Variants in ADCY9 observed in about 807,000 individuals in gnomAD.
ADCY9 encodes the protein adenylate cyclase type 9.
Under a neutral mutation model 101.5 loss-of-function variants are expected in ADCY9, and 50 were observed. That is an observed-to-expected ratio of 0.49 (90% CI 0.39 to 0.62). ADCY9 has a LOEUF of 0.62. Among genes scored for constraint, ADCY9 ranks in the 20% least tolerant of loss-of-function variants. The pLI, the probability that ADCY9 is intolerant of heterozygous loss-of-function variation, is 0.00. For synonymous variants in ADCY9, 905 were observed against 769.3 expected (o/e 1.18, Z -2.92); for missense variants, 1,662 against 1,800.4 (o/e 0.92, Z 1.39).
At chr16:4,006,820 C>A (rs2056370276) in intron 3 of ADCY9, among the ~76,000 whole-genome samples, 1 of 152,154 alleles carries the variant, frequency 6.6e-6, no homozygotes, top group African/African-American at 2.4e-5. Context: ...CAGAAACGGG[C>A]ACTTCTAGGC....
At chr16:4,059,438 G>T (rs1324422592) in intron 2 of ADCY9, among the ~76,000 whole-genome samples, 1 of 144,736 alleles carries the variant, frequency 6.9e-6, no homozygotes, top group African/African-American at 2.6e-5. Context: ...AAACCAAAAA[G>T]ATGACCTGGG....
intron 3 of ADCY9, among the ~76,000 whole-genome samples, chr16:3,998,542 C>T (rs2056305088): frequency 6.6e-6 from 1 of 151,562 alleles, no homozygotes; most frequent in Non-Finnish European, 1.5e-5. Flanking sequence ...AAGCCCGTCT[C>T]TACTAAAATA....
intron 2 of ADCY9, among the ~76,000 whole-genome samples, chr16:4,113,465 C>T (rs1307697428): frequency 2.0e-5 from 3 of 152,170 alleles, no homozygotes; most frequent in African/African-American, 4.8e-5. Context: ...ACCGGACGTG[C>T]CCCCACATTT....
chr16:4,013,982 C>T (rs965854410), intron 2 of ADCY9, among the ~76,000 whole-genome samples: 1 of 152,086 alleles, frequency 6.6e-6, no homozygotes, highest in Non-Finnish European at 1.5e-5. Flanking sequence ...TCTCAAGTTC[C>T]TACTACAAAT....
At chr16:4,025,162 A>C (rs2056505746) in intron 2 of ADCY9, among the ~76,000 whole-genome samples, 1 of 152,152 alleles carries the variant, frequency 6.6e-6, no homozygotes, top group South Asian at 2.1e-4. Flanking sequence ...CAGGAGTTTG[A>C]GACCAGCCTG....
Position 3,966,495 on chromosome 16 carries a change from G to A in ADCY9, c.3342C>T (p.Tyr1114=), listed in dbSNP as rs2055997375. Residue 1114 remains tyrosine (Y), a synonymous_variant, in exon 11 of 11, where the codon TAC becomes TAT. Transcript: ENST00000294016. ...IEKIKTIGAT[Y]MAASGLNTAQ... ...CGGTGTTCAGCCCTGACGCCGCCATGTACGTGGCTCCGATGGTCTTGATCT... is the reference window on the plus strand; with the variant it reads ...CGGTGTTCAGCCCTGACGCCGCCATATACGTGGCTCCGATGGTCTTGATCT... The A allele has an allele frequency of 6.2e-7, 1 of 1,614,174 alleles. No individual in the cohort carries two copies. Among genetic ancestry groups the A allele is most frequent in the African/African-American group, 1.3e-5 (1 of 75,062 alleles).
intron 3 of ADCY9, among the ~76,000 whole-genome samples, chr16:3,995,633 T>C (rs1413861979): frequency 6.6e-6 from 1 of 151,276 alleles, no homozygotes; most frequent in African/African-American, 2.4e-5. Flanking sequence ...TCAAAAGCAA[T>C]TTCCTTGCAG....
rs537295838 is a variant in ADCY9, at chr16:4,051,522, T to TA, written c.1694-43965dup. On this transcript the variant is annotated intron_variant, in intron 2 of 10. Transcript: ENST00000294016. The stretch of plus-strand genomic sequence containing the variant: ...CTGGGCAACAGAGCAAGACTCCATC[T>TA]AAAAAAAAAAAAAAAAGAAGAAGAA... 2.5e-3 allele frequency among the ~76,000 whole-genome samples: 306 copies of TA among 122,238 alleles called. 2 individuals are homozygous for TA. The highest frequency in any genetic ancestry group is 0.014 in the South Asian group (55 of 3,886). 80.2% of individuals were successfully genotyped at this position (122,238 alleles called of 152,430 possible).
chr16:4,099,231 C>T (rs543796927), intron 2 of ADCY9, among the ~76,000 whole-genome samples: 6 of 152,134 alleles, frequency 3.9e-5, no homozygotes, highest in Non-Finnish European at 5.9e-5. Flanking sequence ...CCACGCCCGG[C>T]CTTTTTATTG....
At chr16:4,016,599 GA>G (rs1367816118) in intron 2 of ADCY9, among the ~76,000 whole-genome samples, 2 of 151,686 alleles carry the variant, frequency 1.3e-5, no homozygotes, top group Non-Finnish European at 2.9e-5. Context: ...ATTATAGAAA[GA>G]AGAGAAAGGA....
At chr16:4,027,527 T>C (rs987951058) in intron 2 of ADCY9, among the ~76,000 whole-genome samples, 1 of 152,172 alleles carries the variant, frequency 6.6e-6, no homozygotes, top group Non-Finnish European at 1.5e-5. Context: ...GCAAGTCACG[T>C]CTTCCATGAC....
intron 6 of ADCY9, among the ~76,000 whole-genome samples, chr16:3,984,386 G>C (rs112683956): frequency 2.3e-4 from 35 of 152,302 alleles, no homozygotes; most frequent in African/African-American, 8.2e-4. Flanking sequence ...ACACTAGAGA[G>C]GCACACACTA....
chr16:4,104,181 T>A (rs2057061686), intron 2 of ADCY9, among the ~76,000 whole-genome samples: 2 of 152,162 alleles, frequency 1.3e-5, no homozygotes, highest in Non-Finnish European at 2.9e-5. Context: ...CCGCCAATGA[T>A]AAAAAATTCC....
At chr16:3,974,901 C>T (rs1024676473) in intron 9 of ADCY9, among the ~76,000 whole-genome samples, 191 bp from the exon 10 acceptor site, 6 of 152,174 alleles carry the variant, frequency 3.9e-5, no homozygotes, top group African/African-American at 1.4e-4. Flanking sequence ...CTTGGTAAAG[C>T]TGAGTTTACG....
chr16:4,087,812 T>C (rs1245625722), intron 2 of ADCY9, among the ~76,000 whole-genome samples: 1 of 150,478 alleles, frequency 6.6e-6, no homozygotes, highest in African/African-American at 2.5e-5. Flanking sequence ...ATTTATTTTC[T>C]TTCTTTCTCT....
At chr16:4,095,331 G>T (rs916253944) in intron 2 of ADCY9, among the ~76,000 whole-genome samples, 1 of 152,132 alleles carries the variant, frequency 6.6e-6, no homozygotes, top group African/African-American at 2.4e-5. Context: ...ATCTAAGGTA[G>T]ACACTTTCCA....
intron 10 of ADCY9, among the ~76,000 whole-genome samples, chr16:3,968,995 G>A (rs1048561022): frequency 2.6e-5 from 4 of 152,060 alleles, no homozygotes; most frequent in Non-Finnish European, 4.4e-5. Context: ...ACAGGTGCAC[G>A]CCACCATGCC....
intron 2 of ADCY9, among the ~76,000 whole-genome samples, chr16:4,095,872 G>A (rs1259930260): frequency 6.6e-6 from 1 of 151,290 alleles, no homozygotes; most frequent in Non-Finnish European, 1.5e-5. Context: ...AGCTACTCGA[G>A]AGGCTGAGGC....
chr16:4,062,496 G>A (rs2056778807), intron 2 of ADCY9, among the ~76,000 whole-genome samples: 1 of 152,192 alleles, frequency 6.6e-6, no homozygotes, highest in South Asian at 2.1e-4. Context: ...TGCAAGAGAT[G>A]CAGATGGAGA....
Sources: gnomAD v4.1 joint callset for allele counts (sites outside exome capture counted in the v4.1 genomes callset) on GRCh38, gnomAD v4.1.1 for gene constraint, MANE v1.5 for transcripts, NCBI Gene and HGNC (gene_info 2026-07-23, HGNC 2026-07-21) for gene names.